MLLT3: variants seen among roughly 807,000 people sequenced by gnomAD.
MLLT3 encodes the protein protein AF-9.
MLLT3 carries 4 observed loss-of-function variants against 53.2 expected under a neutral mutation model. That is an observed-to-expected ratio of 0.08 (90% CI 0.04 to 0.17). MLLT3 has a LOEUF of 0.17. Among genes scored for constraint, MLLT3 ranks in the 10% least tolerant of loss-of-function variants. The pLI is 1.00. For missense variants in MLLT3, 569 were observed against 684.0 expected, an observed-to-expected ratio of 0.83 and a Z score of 1.87; for synonymous variants, 283 against 230.6, an observed-to-expected ratio of 1.23 and a Z score of -2.06.
At chr9:20,549,551 C>T (rs10757139) in intron 2 of MLLT3, among the ~76,000 whole-genome samples, 105,831 of 152,092 alleles carry the variant, frequency 0.7, 37,101 homozygotes, top group East Asian at 0.85. Flanking sequence ...CTTTATGCGA[C>T]CCATTCTGAA....
intron 2 of MLLT3, among the ~76,000 whole-genome samples, chr9:20,563,068 C>T (rs1022249982): frequency 4.6e-5 from 7 of 152,140 alleles, no homozygotes; most frequent in Admixed American, 6.6e-5. Flanking sequence ...AGCTAAGAAG[C>T]ACAGTAACCT....
At chr9:20,598,337 C>A (rs1462929656) in intron 2 of MLLT3, among the ~76,000 whole-genome samples, 1 of 152,188 alleles carries the variant, frequency 6.6e-6, no homozygotes, top group Non-Finnish European at 1.5e-5. Flanking sequence ...TTAAATTACA[C>A]TGAAATTTAT....
chr9:20,376,812 G>A lies in MLLT3; in HGVS notation c.1126-11068C>T, dbSNP rs920559925. Among the ~76,000 whole-genome samples the A allele has an allele frequency of 7.9e-5, 12 of 152,296 alleles. No homozygotes were observed. In the South Asian group the frequency reaches 1.4e-3, roughly 18 times the overall value. ...AACATGTGCTCTTTCAAAAAATCCA[G>A]TTGTTGCAAGATGTGTTCTAAGATC... On this transcript the variant is annotated intron_variant, in intron 5 of 10. Transcript: ENST00000380338.
chr9:20,606,638 C>T (rs2131203593), intron 2 of MLLT3, among the ~76,000 whole-genome samples: 1 of 152,234 alleles, frequency 6.6e-6, no homozygotes, highest in Admixed American at 6.5e-5. Flanking sequence ...CACTCAGTGT[C>T]TTTCAATGCC....
chr9:20,377,344 C>T (rs1389861987), intron 5 of MLLT3, among the ~76,000 whole-genome samples: 3 of 152,052 alleles, frequency 2.0e-5, no homozygotes, highest in East Asian at 1.9e-4. Flanking sequence ...ACATTTATAA[C>T]GGCAACATTG....
Position 20,344,302 on chromosome 9 carries a change from G to C in MLLT3, c.*2141C>G, listed in dbSNP as rs1039820396. On this transcript the variant is annotated 3_prime_UTR_variant, in exon 11 of 11. Transcript: ENST00000380338. Reference sequence around the variant, plus strand: ...AAAATGGCCCAAACTACATATATACGTTTCTAGTTAAACTACACAGATATA... The same window carrying C: ...AAAATGGCCCAAACTACATATATACCTTTCTAGTTAAACTACACAGATATA... The C allele has an allele frequency of 1.5e-5, 3 of 199,504 alleles. No homozygotes were observed. Among genetic ancestry groups the C allele is most frequent in the African/African-American group, 6.9e-5 (3 of 43,448 alleles). The allele number at this position is 199,504 out of a possible 1,614,324, so 12.4% of individuals were successfully genotyped here. A position where few individuals can be genotyped will look rare whatever the true frequency, so the allele number is the denominator to read the frequency against.
chr9:20,373,389 A>T (rs1390454826), intron 5 of MLLT3, among the ~76,000 whole-genome samples: 1 of 152,220 alleles, frequency 6.6e-6, no homozygotes, highest in Non-Finnish European at 1.5e-5. Flanking sequence ...CTTTTGTCCA[A>T]GACAAGTAAG....
intron 5 of MLLT3, among the ~76,000 whole-genome samples, chr9:20,396,416 T>A (rs1192879009): frequency 6.6e-6 from 1 of 152,148 alleles, no homozygotes; most frequent in Non-Finnish European, 1.5e-5. Context: ...TATCAGAGAT[T>A]ATAAAATTAA....
intron 5 of MLLT3, among the ~76,000 whole-genome samples, chr9:20,393,773 G>C (rs1308078251): frequency 6.6e-6 from 1 of 152,086 alleles, no homozygotes; most frequent in East Asian, 1.9e-4. Context: ...CATTTTTTAA[G>C]TGCCAATCTA....
At chr9:20,373,408 CAT>C (rs1279888163) in intron 5 of MLLT3, among the ~76,000 whole-genome samples, 32 of 152,310 alleles carry the variant, frequency 2.1e-4, no homozygotes, top group African/African-American at 7.2e-4. Context: ...AGAAAAACCA[CAT>C]GTTTACAACT....
At chr9:20,476,925 T>G (rs1034549818) in intron 2 of MLLT3, among the ~76,000 whole-genome samples, 1 of 152,128 alleles carries the variant, frequency 6.6e-6, no homozygotes, top group Non-Finnish European at 1.5e-5. Flanking sequence ...AACAAACAAG[T>G]CTTTTCCATC....
chr9:20,604,598 C>G (rs59936824), intron 2 of MLLT3, among the ~76,000 whole-genome samples: 1 of 152,040 alleles, frequency 6.6e-6, no homozygotes, highest in African/African-American at 2.4e-5. Flanking sequence ...TAAAACACAG[C>G]TAGCATATCT....
chr9:20,574,779 G>T (rs762266287), intron 2 of MLLT3, among the ~76,000 whole-genome samples: 1 of 152,132 alleles, frequency 6.6e-6, no homozygotes, highest in Non-Finnish European at 1.5e-5. Flanking sequence ...TTTGCTGCAT[G>T]GATTGACTCT....
chr9:20,548,135 C>A (rs567084645), intron 2 of MLLT3, among the ~76,000 whole-genome samples: 1 of 152,296 alleles, frequency 6.6e-6, no homozygotes, highest in South Asian at 2.1e-4. Flanking sequence ...TTAATTGAAT[C>A]AAGCCTCTTG....
intron 2 of MLLT3, among the ~76,000 whole-genome samples, chr9:20,578,756 T>C (rs1383643081): frequency 6.6e-6 from 1 of 152,066 alleles, no homozygotes. Context: ...ACAATTCAAG[T>C]ATATGACGCT....
At chr9:20,412,924 A>G (rs950699045) in intron 5 of MLLT3, among the ~76,000 whole-genome samples, 12 of 152,314 alleles carry the variant, frequency 7.9e-5, no homozygotes, top group African/African-American at 1.9e-4. Flanking sequence ...AATCCCTTCC[A>G]CTGCTGAAAA....
intron 6 of MLLT3, among the ~76,000 whole-genome samples, chr9:20,364,827 A>C (rs1821409967): frequency 6.6e-6 from 1 of 152,234 alleles, no homozygotes; most frequent in South Asian, 2.1e-4. Context: ...CTACTTTGAT[A>C]CCTATGCATT....
At chr9:20,379,989 C>T (rs1260898341) in intron 5 of MLLT3, among the ~76,000 whole-genome samples, 1 of 152,028 alleles carries the variant, frequency 6.6e-6, no homozygotes, top group East Asian at 1.9e-4. Flanking sequence ...AATTACATCT[C>T]CTCGTTCATG....
intron 6 of MLLT3, among the ~76,000 whole-genome samples, chr9:20,365,324 GTTTT>G (rs147890170): frequency 3.3e-5 from 5 of 151,118 alleles, no homozygotes; most frequent in Non-Finnish European, 7.4e-5. Context: ...CATTAAGATG[GTTTT>G]TTTTTGTTTT....
Sources: gnomAD v4.1 joint callset for allele counts (sites outside exome capture counted in the v4.1 genomes callset) on GRCh38, gnomAD v4.1.1 for gene constraint, MANE v1.5 for transcripts, NCBI Gene and HGNC (gene_info 2026-07-23, HGNC 2026-07-21) for gene names.